DEK: variants seen among roughly 807,000 people sequenced by gnomAD.
The protein encoded by DEK is protein DEK.
In DEK, 28 loss-of-function variants were observed where a neutral mutation model predicts 46.8. The ratio of observed to expected loss-of-function variants is 0.60; its 90% CI spans 0.44 to 0.82. DEK has a LOEUF of 0.82. Among genes scored for constraint, DEK ranks in the 40% least tolerant of loss-of-function variants. The pLI, the probability that DEK is intolerant of heterozygous loss-of-function variation, is 0.00. For synonymous variants in DEK, 160 were observed against 144.5 expected (o/e 1.11, Z -0.77); for missense variants, 416 against 430.6 (o/e 0.97, Z 0.30).
In DEK at chr6:18,224,887, T is replaced by A; in HGVS notation, c.*832A>T. ...GTCTGTCCTTATATAATATAAAACGTACCTACAGACACTTTTACAGAGTTA... is the reference window on the plus strand; with the variant it reads ...GTCTGTCCTTATATAATATAAAACGAACCTACAGACACTTTTACAGAGTTA... On this transcript the variant is annotated 3_prime_UTR_variant, in exon 11 of 11. Transcript: ENST00000652689. 1 of 212,204 alleles carries A rather than the reference T, an allele frequency of 4.7e-6. No individual in the cohort carries two copies. The highest frequency in any genetic ancestry group is 7.1e-5 in the East Asian group (1 of 14,102). 13.1% of individuals were successfully genotyped at this position (212,204 alleles called of 1,614,324 possible). A position where few individuals can be genotyped will look rare whatever the true frequency, so the allele number is the denominator to read the frequency against.
At position 18,249,635 on chromosome 6, in the gene DEK, T is replaced by C. The variant is rs779863414; in HGVS notation, c.762+16A>G. 9.1e-6 allele frequency: 14 copies of C among 1,545,688 alleles called. No homozygotes were observed. The Admixed American group carries it at 1.3e-4, about 14-fold the overall frequency. On this transcript the variant is annotated intron_variant, in intron 7 of 10. Coordinates refer to ENST00000652689, the MANE Select transcript of DEK (RefSeq NM_003472.4). Reference sequence around the variant, plus strand: ...CATGGAAAGAAATGATTTAAAAATATAGTAAAATATTTTACCTCCTCTTCA... The same window carrying C: ...CATGGAAAGAAATGATTTAAAAATACAGTAAAATATTTTACCTCCTCTTCA...
At chr6:18,259,208 C>CTCA (rs1791732912) in intron 2 of DEK, among the ~76,000 whole-genome samples, 1 of 150,448 alleles carries the variant, frequency 6.6e-6, no homozygotes, top group African/African-American at 2.5e-5. Flanking sequence ...TCCTGGCTAA[C>CTCA]GTGGTGAAAC....
chr6:18,226,131 T>A, intron 10 of DEK, 43 bp downstream of exon 10: 3 of 1,225,548 alleles, frequency 2.4e-6, no homozygotes, highest in Non-Finnish European at 2.2e-6. Flanking sequence ...ATTACTTTTG[T>A]CTTATATTTC....
At chr6:18,250,521 T>C (rs1007066703) in intron 6 of DEK, among the ~76,000 whole-genome samples, 7 of 149,252 alleles carry the variant, frequency 4.7e-5, no homozygotes, top group African/African-American at 1.2e-4. Flanking sequence ...AAGAAGCTCC[T>C]TGCTTTAGAA....
At chr6:18,231,574 A>T (rs1419656015) in intron 9 of DEK, among the ~76,000 whole-genome samples, 2 of 152,256 alleles carry the variant, frequency 1.3e-5, no homozygotes, top group Non-Finnish European at 2.9e-5. Context: ...ACCATCAGAG[A>T]ATACTACAAA....
rs142803886 is a variant in DEK, at chr6:18,240,675, G to A, written c.763-3159C>T. ...TAAACTTTCTAAGTGTTTTCAAAAA[G>A]CAGGGTGCAGTGGCTCAATCCTGTA... On this transcript the variant is annotated intron_variant, in intron 7 of 10. Coordinates refer to ENST00000652689, the MANE Select transcript of DEK (RefSeq NM_003472.4). Among the ~76,000 whole-genome samples, 732 of 152,266 alleles carry A rather than the reference G, an allele frequency of 4.8e-3. 6 individuals are homozygous for A. The highest frequency in any genetic ancestry group is 0.017 in the African/African-American group (696 of 41,544).
At chr6:18,236,855 T>A (rs1163762227) in intron 8 of DEK, among the ~76,000 whole-genome samples, 1 of 152,088 alleles carries the variant, frequency 6.6e-6, no homozygotes, top group Non-Finnish European at 1.5e-5. Flanking sequence ...TGTTCCAAAA[T>A]CCAGCTTTTC....
intron 7 of DEK, among the ~76,000 whole-genome samples, chr6:18,247,798 G>A (rs555946447): frequency 2.6e-5 from 4 of 151,852 alleles, no homozygotes; most frequent in East Asian, 1.9e-4. Context: ...CAGCCTTCCC[G>A]AGTAGCTGGG....
intron 7 of DEK, among the ~76,000 whole-genome samples, chr6:18,238,535 A>T (rs1244613969): frequency 2.6e-5 from 4 of 151,882 alleles, no homozygotes; most frequent in Non-Finnish European, 5.9e-5. Context: ...TGTCTCTCCT[A>T]AAAATACAAA....
At chr6:18,239,555 A>G (rs1790815757) in intron 7 of DEK, among the ~76,000 whole-genome samples, 5 of 151,872 alleles carry the variant, frequency 3.3e-5, no homozygotes, top group Non-Finnish European at 5.9e-5. Flanking sequence ...CACTACCTCA[A>G]CAATATACCA....
At chr6:18,233,349 A>C (rs1790493957) in intron 9 of DEK, among the ~76,000 whole-genome samples, 1 of 152,218 alleles carries the variant, frequency 6.6e-6, no homozygotes, top group African/African-American at 2.4e-5. Context: ...AAATTGACAA[A>C]TGGGATCTAA....
Position 18,225,405 on chromosome 6 carries a change from AAGTGCACTAAAAACC to A in DEK, c.*299_*313del, listed in dbSNP as rs1790068385. 2 of 310,314 alleles carry A rather than the reference AAGTGCACTAAAAACC, an allele frequency of 6.4e-6. No individual in the cohort carries two copies. The highest frequency in any genetic ancestry group is 5.9e-6 in the Non-Finnish European group (1 of 168,694). The allele number at this position is 310,314 out of a possible 1,614,324, so 19.2% of individuals were successfully genotyped here. A position where few individuals can be genotyped will look rare whatever the true frequency, so the allele number is the denominator to read the frequency against. ...AGTATGCCTTAAGCAAGCTAATATT[AAGTGCACTAAAAACC>A]ACAACAGCTCAAGAATCTATGACCT... On this transcript the variant is annotated 3_prime_UTR_variant, in exon 11 of 11. Transcript: ENST00000652689.
At chr6:18,256,262 C>CAGGT (rs1370556332) in intron 5 of DEK, 99 bp downstream of exon 5, 1 of 1,037,932 alleles carries the variant, frequency 9.6e-7, no homozygotes, top group African/African-American at 1.6e-5. Flanking sequence ...GCTGGGATTA[C>CAGGT]AGGTGTGAGC....
In DEK at chr6:18,225,017, G is replaced by A. The variant is rs960830005; in HGVS notation, c.*702C>T. ...CTTTCACTGTTCCATCATACTGTTT[G>A]GCTGAACACTGACATTCCATAGTCT... is the stretch of plus-strand genomic sequence containing the variant. On this transcript the variant is annotated 3_prime_UTR_variant, in exon 11 of 11. Coordinates refer to ENST00000652689, the MANE Select transcript of DEK (RefSeq NM_003472.4). 4 of 217,342 alleles carry A rather than the reference G, an allele frequency of 1.8e-5. No individual in the cohort carries two copies. The highest frequency in any genetic ancestry group is 4.5e-5 in the African/African-American group (2 of 44,422). The allele number at this position is 217,342 out of a possible 1,614,324, so 13.5% of individuals were successfully genotyped here.
chr6:18,230,057 G>C (rs1790340036), intron 9 of DEK, among the ~76,000 whole-genome samples: 1 of 152,220 alleles, frequency 6.6e-6, no homozygotes, highest in African/African-American at 2.4e-5. Flanking sequence ...AGCCAGAATA[G>C]AGTGAGGGCC....
Position 18,244,334 on chromosome 6 carries a change from C to T in DEK, c.762+5317G>A, listed in dbSNP as rs1791018344. On this transcript the variant is annotated intron_variant, in intron 7 of 10. Transcript: ENST00000652689. ...AAAAATGAACAGCTGCCATTAATGT[C>T]AGATAGTACAATGTACTATAACCTA... 2.6e-5 allele frequency among the ~76,000 whole-genome samples: 4 copies of T among 152,128 alleles called. No individual in the cohort carries two copies. The South Asian group carries it at 8.3e-4, about 31-fold the overall frequency.
intron 5 of DEK, 82 bp from the exon 6 acceptor site, chr6:18,255,933 C>T: frequency 2.0e-6 from 3 of 1,475,140 alleles, no homozygotes; most frequent in Non-Finnish European, 2.7e-6. Context: ...GGAAAGCCAA[C>T]CAAATTGGCT....
intron 6 of DEK, among the ~76,000 whole-genome samples, chr6:18,253,955 G>A (rs971890699): frequency 5.3e-5 from 8 of 151,958 alleles, no homozygotes; most frequent in Non-Finnish European, 1.0e-4. Flanking sequence ...CACCTGCCTC[G>A]GCCTCCCAAA....
chr6:18,237,624 T>A, intron 7 of DEK, 108 bp from the exon 8 acceptor site: 1 of 1,376,230 alleles, frequency 7.3e-7, no homozygotes, highest in Non-Finnish European at 9.6e-7. Context: ...AAAACCAATA[T>A]ATTTGGTATC....
Sources: gnomAD v4.1 joint callset for allele counts (sites outside exome capture counted in the v4.1 genomes callset) on GRCh38, gnomAD v4.1.1 for gene constraint, MANE v1.5 for transcripts, NCBI Gene and HGNC (gene_info 2026-07-23, HGNC 2026-07-21) for gene names.